TAOK1: variants seen among roughly 807,000 people sequenced by gnomAD.
TAOK1 encodes serine/threonine-protein kinase TAO1.
In TAOK1, 21 loss-of-function variants were observed where a neutral mutation model predicts 138.3. That is an observed-to-expected ratio of 0.15 (90% CI 0.11 to 0.22). The LOEUF (loss-of-function observed/expected upper bound fraction) is 0.22. Among genes scored for constraint, TAOK1 ranks in the 10% least tolerant of loss-of-function variants. The probability of loss-of-function intolerance (pLI) is 1.00; values close to 1 mark genes in which losing one functional copy is unlikely to be tolerated. For missense variants in TAOK1, 651 were observed against 1,227.7 expected (o/e 0.53, Z 7.02); for synonymous variants, 361 against 398.4 (o/e 0.91, Z 1.12).
chr17:29,436,801 G>A (rs527750408), intron 1 of TAOK1, among the ~76,000 whole-genome samples: 2 of 152,226 alleles, frequency 1.3e-5, no homozygotes, highest in Admixed American at 6.5e-5. Context: ...ACACCATTTT[G>A]GCAATTCCGT....
At chr17:29,432,186 G>A (rs1482278946) in intron 1 of TAOK1, among the ~76,000 whole-genome samples, 1 of 152,214 alleles carries the variant, frequency 6.6e-6, no homozygotes, top group Non-Finnish European at 1.5e-5. Context: ...CAGCAAGCCA[G>A]TGATAAGCAT....
chr17:29,530,289 C>A, intron 17 of TAOK1, 118 bp from the exon 18 acceptor site: 4 of 854,932 alleles, frequency 4.7e-6, no homozygotes, highest in South Asian at 1.8e-5. Context: ...ATGATCTGAC[C>A]TGCTTGGCTT....
chr17:29,439,913 A>G (rs1358439226), intron 1 of TAOK1, among the ~76,000 whole-genome samples: 2 of 151,354 alleles, frequency 1.3e-5, no homozygotes, highest in African/African-American at 4.8e-5. Flanking sequence ...AGTCTGTAAT[A>G]TAATAGTGGG....
intron 12 of TAOK1, among the ~76,000 whole-genome samples, chr17:29,501,623 A>T (rs2031533699): frequency 6.6e-6 from 1 of 152,144 alleles, no homozygotes; most frequent in Non-Finnish European, 1.5e-5. Flanking sequence ...AGAGCCTTTG[A>T]GCAATTAATT....
chr17:29,461,750 AT>A (rs34869792), intron 2 of TAOK1, among the ~76,000 whole-genome samples: 23,193 of 146,976 alleles, frequency 0.16, 1,827 homozygotes, highest in South Asian at 0.26. Context: ...AGAGAGCGAA[AT>A]TTTTTTTTTT....
chr17:29,465,209 A>C (rs1425753102), intron 2 of TAOK1, among the ~76,000 whole-genome samples: 1 of 133,360 alleles, frequency 7.5e-6, no homozygotes, highest in Admixed American at 8.7e-5. Flanking sequence ...GCTCAAGTGC[A>C]ATGGCATGAT....
In TAOK1 at chr17:29,436,633, T is replaced by C. The variant is rs191149955; in HGVS notation, c.-94-14822T>C. Among the ~76,000 whole-genome samples the C allele has an allele frequency of 1.4e-3, 207 of 152,280 alleles. 4 individuals are homozygous for C. The highest frequency in any genetic ancestry group is 0.013 in the Admixed American group (206 of 15,288). On this transcript the variant is annotated intron_variant, in intron 1 of 19. Coordinates refer to ENST00000261716, the MANE Select transcript of TAOK1 (RefSeq NM_020791.4). The stretch of plus-strand genomic sequence containing the variant: ...AGGGTAATTATAGTCAGAAACACAA[T>C]TGGCAAAGAAGTTTGGTTATCTCCA...
chr17:29,535,720 G>T (rs2032209808), intron 19 of TAOK1, among the ~76,000 whole-genome samples: 1 of 151,936 alleles, frequency 6.6e-6, no homozygotes, highest in Non-Finnish European at 1.5e-5. Flanking sequence ...CAAGTGTGGT[G>T]TCAGACACCT....
chr17:29,487,479 G>A (rs1264333413), intron 8 of TAOK1, among the ~76,000 whole-genome samples: 1 of 152,086 alleles, frequency 6.6e-6, no homozygotes, highest in Non-Finnish European at 1.5e-5. Flanking sequence ...TTCATTGAGC[G>A]TGTCTGAGAG....
intron 1 of TAOK1, chr17:29,424,771 G>A (rs1451166308): frequency 6.6e-6 from 1 of 151,984 alleles, no homozygotes; most frequent in Non-Finnish European, 1.5e-5. Context: ...TTTTTTAATG[G>A]AATGTTTCAT....
At chr17:29,518,375 C>T (rs1247254330) in intron 16 of TAOK1, among the ~76,000 whole-genome samples, 1 of 152,190 alleles carries the variant, frequency 6.6e-6, no homozygotes, top group Non-Finnish European at 1.5e-5. Context: ...GTGCCAGCTA[C>T]CTGGGAGGCT....
chr17:29,493,387 A>G (rs766066127), intron 10 of TAOK1, among the ~76,000 whole-genome samples: 1 of 151,138 alleles, frequency 6.6e-6, no homozygotes, highest in African/African-American at 2.4e-5. Flanking sequence ...CCAGCTACTC[A>G]GGAGGCTGAC....
intron 2 of TAOK1, among the ~76,000 whole-genome samples, chr17:29,459,510 C>T (rs1026795013): frequency 2.0e-5 from 3 of 151,978 alleles, no homozygotes; most frequent in Admixed American, 2.0e-4. Context: ...TGGTCTCGAA[C>T]TCCTGACCTC....
chr17:29,401,706 G>A (rs1292027817), intron 1 of TAOK1, among the ~76,000 whole-genome samples: 1 of 151,838 alleles, frequency 6.6e-6, no homozygotes, highest in Admixed American at 6.6e-5. Context: ...GGAGGCTGGA[G>A]TGCAGTGGGG....
chr17:29,442,332 A>C lies in TAOK1; in HGVS notation c.-94-9123A>C, dbSNP rs62066581. ...AAGTGCTGGGATTACAGACCTCACC[A>C]CTTACTGAGCCACTGCACCCAGCCA... is the stretch of plus-strand genomic sequence containing the variant. On this transcript the variant is annotated intron_variant, in intron 1 of 19. Transcript: ENST00000261716. 7.1e-3 allele frequency among the ~76,000 whole-genome samples: 1,065 copies of C among 150,612 alleles called. 8 individuals carry two copies. Among genetic ancestry groups the C allele is most frequent in the Non-Finnish European group, 0.011 (747 of 67,746 alleles).
chr17:29,392,992 A>T (rs1408210725), intron 1 of TAOK1, among the ~76,000 whole-genome samples: 1 of 150,976 alleles, frequency 6.6e-6, no homozygotes, highest in Non-Finnish European at 1.5e-5. Flanking sequence ...AATAAGTTTT[A>T]TTTTTTTTTC....
At chr17:29,457,430 G>A (rs1464036717) in intron 2 of TAOK1, among the ~76,000 whole-genome samples, 1 of 100,168 alleles carries the variant, frequency 1.0e-5, no homozygotes, top group Non-Finnish European at 1.9e-5. Context: ...TTTTGAGATG[G>A]AGTGTGGCTC....
Position 29,442,102 on chromosome 17 carries a change from G to A in TAOK1, c.-94-9353G>A, listed in dbSNP as rs954377095. 5.3e-5 allele frequency among the ~76,000 whole-genome samples: 8 copies of A among 151,616 alleles called. No individual in the cohort carries two copies. The East Asian group carries it at 7.7e-4, about 15-fold the overall frequency. On this transcript the variant is annotated intron_variant, in intron 1 of 19. Transcript: ENST00000261716. ...GGGTCATCCAGGTTGGAATGCAGTG[G>A]TACAATCATGGTTCACTACAGCCTC... is the stretch of plus-strand genomic sequence containing the variant.
At chr17:29,437,699 A>T (rs1453520069) in intron 1 of TAOK1, among the ~76,000 whole-genome samples, 4 of 150,936 alleles carry the variant, frequency 2.7e-5, no homozygotes, top group Non-Finnish European at 5.9e-5. Context: ...AAAGTGAAGG[A>T]GTACTTATGC....
Sources: allele counts gnomAD v4.1 joint callset (sites outside exome capture counted in the v4.1 genomes callset), GRCh38; gene constraint gnomAD v4.1.1; transcripts MANE v1.5; gene names NCBI Gene and HGNC (gene_info 2026-07-23, HGNC 2026-07-21).